Variants in SPOCK1 observed in about 807,000 individuals in gnomAD.
SPOCK1 encodes SPARC (osteonectin), cwcv and kazal like domains proteoglycan 1.
Under a neutral mutation model 55.3 loss-of-function variants are expected in SPOCK1, and 23 were observed. The observed-to-expected ratio is 0.42, with a 90% CI of 0.30 to 0.59. The LOEUF is 0.59. Among genes scored for constraint, SPOCK1 ranks in the 20% least tolerant of loss-of-function variants. The pLI is 0.22. For missense variants in SPOCK1, 499 were observed against 552.5 expected (o/e 0.90, Z 0.97); for synonymous variants, 226 against 221.0 (o/e 1.02, Z -0.20).
chr5:137,413,879 A>G (rs17171393), intron 2 of SPOCK1, among the ~76,000 whole-genome samples: 12,238 of 152,230 alleles, frequency 0.08, 1,262 homozygotes, highest in African/African-American at 0.24. Context: ...TACCAGGTAT[A>G]TTCATGACAA....
In SPOCK1 at chr5:137,105,972, T is replaced by C. The variant is rs954242867; in HGVS notation, c.474+6463A>G. 1.6e-4 allele frequency among the ~76,000 whole-genome samples: 25 copies of C among 152,108 alleles called. 1 individual carries two copies. The highest frequency in any genetic ancestry group is 1.6e-3 in the Admixed American group (25 of 15,268). On this transcript the variant is annotated intron_variant, in intron 5 of 10. Transcript: ENST00000394945. ...TGCTGGCTCTCAAGACTCACAGTGG[T>C]GGCGCTTAGTGGGCCCTCTCCTCAA...
intron 3 of SPOCK1, among the ~76,000 whole-genome samples, chr5:137,261,536 C>G (rs780203511): frequency 1.6e-4 from 25 of 152,244 alleles, no homozygotes; most frequent in Admixed American, 1.0e-3. Flanking sequence ...CTTCTATTCA[C>G]GAGAACAGCA....
At position 137,351,061 on chromosome 5, in the gene SPOCK1, T is replaced by C. The variant is rs185549153; in HGVS notation, c.187-84006A>G. ...GCAGGTTCGGCAAATTCCACATCTG[T>C]TTCAGAGAACAGTTATAAAAACAAT... On this transcript the variant is annotated intron_variant, in intron 2 of 10. Coordinates refer to ENST00000394945, the MANE Select transcript of SPOCK1 (RefSeq NM_004598.4). Among the ~76,000 whole-genome samples, 165 of 152,292 alleles carry C rather than the reference T, an allele frequency of 1.1e-3. 4 individuals are homozygous for C. Among genetic ancestry groups the C allele is most frequent in the Middle Eastern group, 0.01 (3 of 294 alleles).
intron 6 of SPOCK1, among the ~76,000 whole-genome samples, chr5:137,005,784 T>C (rs1368528811): frequency 6.6e-6 from 1 of 152,154 alleles, no homozygotes; most frequent in Non-Finnish European, 1.5e-5. Flanking sequence ...ACCCTATATA[T>C]GGATAACTGA....
intron 2 of SPOCK1, among the ~76,000 whole-genome samples, chr5:137,453,797 T>C (rs888094295): frequency 1.3e-5 from 2 of 152,168 alleles, no homozygotes; most frequent in African/African-American, 4.8e-5. Flanking sequence ...TCCTTGTGTG[T>C]TTCTTATTGC....
At chr5:137,313,547 G>C in intron 2 of SPOCK1, 1 of 941,588 alleles carries the variant, frequency 1.1e-6, no homozygotes, top group East Asian at 1.2e-4. Context: ...ACAGGCTCCA[G>C]CCTGCCTCCT....
At chr5:137,418,876 A>G (rs1270783776) in intron 2 of SPOCK1, among the ~76,000 whole-genome samples, 2 of 152,184 alleles carry the variant, frequency 1.3e-5, no homozygotes, top group African/African-American at 4.8e-5. Context: ...AGTCCTGCCC[A>G]TGCCTATGTC....
In SPOCK1 at chr5:137,191,689, A is replaced by C. The variant is rs551541809; in HGVS notation, c.233-50995T>G. ...CTTGGAGCTATTTTTTCATAATAGA[A>C]AATGGCACATTCTATGTGCCATGTA... On this transcript the variant is annotated intron_variant, in intron 3 of 10. Coordinates refer to ENST00000394945, the MANE Select transcript of SPOCK1 (RefSeq NM_004598.4). Among the ~76,000 whole-genome samples, 4 of 152,310 alleles carry C rather than the reference A, an allele frequency of 2.6e-5. No individual in the cohort carries two copies. In the South Asian group the frequency reaches 8.3e-4, roughly 32 times the overall value.
intron 2 of SPOCK1, among the ~76,000 whole-genome samples, chr5:137,316,238 C>T (rs1757879358): frequency 6.6e-6 from 1 of 152,226 alleles, no homozygotes; most frequent in Non-Finnish European, 1.5e-5. Flanking sequence ...TAATCCCACT[C>T]ATGAAGGACA....
intron 2 of SPOCK1, among the ~76,000 whole-genome samples, chr5:137,309,367 GGCT>G (rs1372247673): frequency 6.6e-6 from 1 of 152,098 alleles, no homozygotes; most frequent in Non-Finnish European, 1.5e-5. Flanking sequence ...CTCCTCTGTG[GGCT>G]CCTCTTGGCC....
chr5:136,978,165 CA>C lies in SPOCK1; in HGVS notation c.*488del. On this transcript the variant is annotated 3_prime_UTR_variant, in exon 11 of 11. Transcript: ENST00000394945. ...TAATAATCACCGGCAGTAACGGGGG[CA>C]GGGGGAAAAAGTACAGTGTGGTGTA... 2 of 379,966 alleles carry C rather than the reference CA, an allele frequency of 5.3e-6. No individual in the cohort carries two copies. The highest frequency in any genetic ancestry group is 4.7e-6 in the Non-Finnish European group (1 of 214,788). 23.5% of individuals were successfully genotyped at this position (379,966 alleles called of 1,614,324 possible).
chr5:136,992,451 A>G, intron 7 of SPOCK1, 33 bp downstream of exon 7: 4 of 1,516,236 alleles, frequency 2.6e-6, no homozygotes, highest in South Asian at 1.2e-5. Flanking sequence ...TGTCTAATAA[A>G]TTGAGGAAAT....
At chr5:137,244,177 G>A (rs912649013) in intron 3 of SPOCK1, among the ~76,000 whole-genome samples, 1 of 152,144 alleles carries the variant, frequency 6.6e-6, no homozygotes, top group Non-Finnish European at 1.5e-5. Context: ...TGCCTATAAA[G>A]AGACTATATT....
At chr5:137,069,354 G>A (rs932686929) in intron 5 of SPOCK1, among the ~76,000 whole-genome samples, 10 of 152,200 alleles carry the variant, frequency 6.6e-5, no homozygotes, top group African/African-American at 2.2e-4. Context: ...GTGCATATTT[G>A]TTCAGTGCCT....
At chr5:137,477,816 C>T (rs906745407) in intron 2 of SPOCK1, among the ~76,000 whole-genome samples, 1 of 152,174 alleles carries the variant, frequency 6.6e-6, no homozygotes, top group Non-Finnish European at 1.5e-5. Flanking sequence ...AAAAGCAGCT[C>T]CCACACATCA....
chr5:137,275,983 C>G (rs1757059347), intron 2 of SPOCK1, among the ~76,000 whole-genome samples: 1 of 152,212 alleles, frequency 6.6e-6, no homozygotes, highest in South Asian at 2.1e-4. Flanking sequence ...CTCCCCTGAG[C>G]CCTGCCCAGG....
intron 6 of SPOCK1, among the ~76,000 whole-genome samples, chr5:136,993,645 T>C (rs1041173690): frequency 6.6e-6 from 1 of 152,186 alleles, no homozygotes; most frequent in African/African-American, 2.4e-5. Flanking sequence ...AGGAGCACAC[T>C]GCTAAGGAGT....
chr5:137,421,248 T>C (rs925216199), intron 2 of SPOCK1, among the ~76,000 whole-genome samples: 6 of 152,226 alleles, frequency 3.9e-5, no homozygotes, highest in Admixed American at 6.5e-5. Flanking sequence ...AAGTGTGGTA[T>C]GGTGCTGAGA....
chr5:137,413,320 G>C (rs1042635528), intron 2 of SPOCK1, among the ~76,000 whole-genome samples: 1 of 152,048 alleles, frequency 6.6e-6, no homozygotes, highest in Non-Finnish European at 1.5e-5. Flanking sequence ...CTCTTTCACT[G>C]ATGACAAGCA....
Sources: allele counts gnomAD v4.1 joint callset (sites outside exome capture counted in the v4.1 genomes callset), GRCh38; gene constraint gnomAD v4.1.1; transcripts MANE v1.5; gene names NCBI Gene and HGNC (gene_info 2026-07-23, HGNC 2026-07-21).